The following PCDHA3 variants were observed in gnomAD, a reference collection of about 807,000 sequenced individuals.
PCDHA3 encodes protocadherin alpha 3.
PCDHA3 carries 41 observed loss-of-function variants against 62.2 expected under a neutral mutation model. The ratio of observed to expected loss-of-function variants is 0.66; its 90% CI spans 0.51 to 0.86. The LOEUF (loss-of-function observed/expected upper bound fraction) is 0.86, where lower values mean the gene tolerates loss of function less well. Ranked by LOEUF, PCDHA3 falls within the 40% of genes least tolerant of loss-of-function variation. PCDHA3 has a pLI of 0.00. For synonymous variants in PCDHA3, 640 were observed against 555.4 expected, an observed-to-expected ratio of 1.15 and a Z score of -2.14; for missense variants, 1,304 against 1,241.2, an observed-to-expected ratio of 1.05 and a Z score of -0.76.
intron 1 of PCDHA3, chr5:140,823,038 G>A (rs2150121584): frequency 1.9e-6 from 3 of 1,614,120 alleles, no homozygotes; most frequent in African/African-American, 1.3e-5. Context: ...CGGTCTATGA[G>A]CTGGTGGTGA....
intron 1 of PCDHA3, among the ~76,000 whole-genome samples, chr5:140,937,158 C>T (rs969335051): frequency 2.6e-5 from 4 of 151,874 alleles, no homozygotes; most frequent in Non-Finnish European, 4.4e-5. Context: ...CTGCCTCAGC[C>T]TCCCGAGTAG....
intron 1 of PCDHA3, among the ~76,000 whole-genome samples, chr5:140,947,220 T>A (rs531697572): frequency 6.6e-6 from 1 of 151,686 alleles, no homozygotes; most frequent in East Asian, 1.9e-4. Flanking sequence ...ATCCTGTCAT[T>A]TATGACAGGA....
intron 1 of PCDHA3, chr5:140,968,847 A>G (rs781874732): frequency 8.7e-6 from 14 of 1,614,222 alleles, no homozygotes; most frequent in Middle Eastern, 1.6e-4. Context: ...ACTCAGAGGC[A>G]TGTTAAGAGC....
chr5:140,834,170 A>T (rs1010045259), intron 1 of PCDHA3: 13 of 553,312 alleles, frequency 2.3e-5, no homozygotes, highest in Admixed American at 1.0e-4. Flanking sequence ...TCTTACTTAC[A>T]TGATGGCCAC....
intron 1 of PCDHA3, among the ~76,000 whole-genome samples, chr5:140,821,382 G>T (rs1160781940): frequency 1.3e-5 from 2 of 152,048 alleles, no homozygotes; most frequent in Admixed American, 6.5e-5. Flanking sequence ...TTTTAATGAC[G>T]CACTTATATT....
intron 1 of PCDHA3, chr5:140,807,327 G>A (rs199939862): frequency 6.2e-7 from 1 of 1,613,720 alleles, no homozygotes; most frequent in Non-Finnish European, 8.5e-7. Context: ...TTCGTGGGCC[G>A]CATCGCGCAG....
intron 1 of PCDHA3, chr5:140,823,264 C>A (rs1052475502): frequency 2.5e-6 from 4 of 1,612,792 alleles, no homozygotes; most frequent in Non-Finnish European, 2.5e-6. Context: ...GGTGGAGCGG[C>A]GGGTGGGCGA....
intron 1 of PCDHA3, among the ~76,000 whole-genome samples, chr5:140,949,557 T>C (rs955949496): frequency 6.6e-6 from 1 of 151,888 alleles, no homozygotes; most frequent in Non-Finnish European, 1.5e-5. Flanking sequence ...CTGGTCATAC[T>C]TTTTTTCTTG....
chr5:140,823,207 G>A, intron 1 of PCDHA3: 1 of 1,613,830 alleles, frequency 6.2e-7, no homozygotes, highest in Non-Finnish European at 8.5e-7. Flanking sequence ...CACGGTGTCT[G>A]CACGGGACGC....
chr5:140,893,198 C>T (rs1242904411), intron 1 of PCDHA3, among the ~76,000 whole-genome samples: 2 of 152,164 alleles, frequency 1.3e-5, no homozygotes, highest in Admixed American at 6.5e-5. Flanking sequence ...AATAGTGCTG[C>T]AGTAAGTATG....
rs146722772 is a variant in PCDHA3, at chr5:140,848,558, C to T, written c.2394+44967C>T. ...CTCTACTGCTCTCGCTTCTGATCCTCGCAATGTGGGTGGTGGGGAGCGGCC... is the reference window on the plus strand; with the variant it reads ...CTCTACTGCTCTCGCTTCTGATCCTTGCAATGTGGGTGGTGGGGAGCGGCC... On this transcript the variant is annotated intron_variant, in intron 1 of 3. Coordinates refer to ENST00000522353, the MANE Select transcript of PCDHA3 (RefSeq NM_018906.3). 8.8e-6 allele frequency: 14 copies of T among 1,595,498 alleles called. 1 individual carries two copies. In the African/African-American group the frequency reaches 1.6e-4, roughly 18 times the overall value.
chr5:141,010,377 G>A lies in PCDHA3; in HGVS notation c.*440G>A. 1 of 1,444,554 alleles carries A rather than the reference G, an allele frequency of 6.9e-7. No individual in the cohort carries two copies. The highest frequency in any genetic ancestry group is 1.4e-5 in the South Asian group (1 of 71,996). The allele number at this position is 1,444,554 out of a possible 1,614,324, so 89.5% of individuals were successfully genotyped here. ...GGCTACCGCGGGTATGCGAGTGCCA[G>A]ATATTGGCTGAGACGAGCCAGCTTA... On this transcript the variant is annotated 3_prime_UTR_variant, in exon 4 of 4. Transcript: ENST00000522353.
chr5:140,953,340 C>T (rs2094876353), intron 1 of PCDHA3, among the ~76,000 whole-genome samples: 1 of 152,066 alleles, frequency 6.6e-6, no homozygotes, highest in Non-Finnish European at 1.5e-5. Context: ...TAGGGCTCAC[C>T]TTCTTTTGTT....
In PCDHA3 at chr5:140,803,108, G is replaced by T. The variant is rs1554122579; in HGVS notation, c.1911G>T (p.Leu637=). 21 of 1,613,830 alleles carry T rather than the reference G, an allele frequency of 1.3e-5. No homozygotes were observed. The highest frequency in any genetic ancestry group is 1.7e-5 in the Non-Finnish European group (20 of 1,179,928). Reference sequence around the variant, plus strand: ...GAGAGATCAGCACGACCCGTGCCCTGGACGAGGTGGACGCCCCGCGCCATC... The same window carrying T: ...GAGAGATCAGCACGACCCGTGCCCTTGACGAGGTGGACGCCCCGCGCCATC... ...YTGEISTTRA[L]DEVDAPRHRL... The change falls in exon 1 of 4, where the codon CTG becomes CTT. Residue 637 remains leucine (L), a synonymous_variant. Transcript: ENST00000522353.
At chr5:140,842,603 C>CG in intron 1 of PCDHA3, 2 of 1,548,222 alleles carry the variant, frequency 1.3e-6, no homozygotes, top group Non-Finnish European at 1.8e-6. Flanking sequence ...GGTAACCGCG[C>CG]GGGACGGGGG....
intron 1 of PCDHA3, among the ~76,000 whole-genome samples, chr5:140,837,963 AC>A (rs1775339746): frequency 6.6e-6 from 1 of 151,764 alleles, no homozygotes; most frequent in Non-Finnish European, 1.5e-5. Context: ...ACAGACACGA[AC>A]AACCACACCC....
chr5:140,979,898 G>A (rs1253481087), intron 2 of PCDHA3, among the ~76,000 whole-genome samples: 2 of 152,212 alleles, frequency 1.3e-5, no homozygotes, highest in Non-Finnish European at 1.5e-5. Context: ...ACCAAACTTA[G>A]ATCAGTTCGT....
intron 1 of PCDHA3, chr5:140,876,771 T>C: frequency 6.2e-7 from 1 of 1,614,228 alleles, no homozygotes; most frequent in African/African-American, 1.3e-5. Flanking sequence ...GGGGCTCGCC[T>C]TCGCTGTGGG....
At chr5:140,855,766 C>T in intron 1 of PCDHA3, 2 of 379,872 alleles carry the variant, frequency 5.3e-6, no homozygotes, top group South Asian at 9.3e-5. Flanking sequence ...AGTCCATAGA[C>T]ATAAAAATAC....
Sources: gnomAD v4.1 joint callset for allele counts (sites outside exome capture counted in the v4.1 genomes callset) on GRCh38, gnomAD v4.1.1 for gene constraint, MANE v1.5 for transcripts, NCBI Gene and HGNC (gene_info 2026-07-23, HGNC 2026-07-21) for gene names.